SPON1: variants seen among roughly 807,000 people sequenced by gnomAD.
The protein encoded by SPON1 is spondin-1.
SPON1 carries 52 observed loss-of-function variants against 111.7 expected under a neutral mutation model. The ratio of observed to expected loss-of-function variants is 0.47; its 90% confidence interval spans 0.37 to 0.59. The LOEUF is 0.59. Ranked by LOEUF, SPON1 falls within the 20% of genes least tolerant of loss-of-function variation. The pLI, the probability that SPON1 is intolerant of heterozygous loss-of-function variation, is 0.00. For missense variants in SPON1, 957 were observed against 1,068.5 expected (o/e 0.90, Z 1.46); for synonymous variants, 410 against 395.8 (o/e 1.04, Z -0.43).
chr11:14,040,103 G>C (rs1005752274), intron 2 of SPON1, among the ~76,000 whole-genome samples: 1 of 152,148 alleles, frequency 6.6e-6, no homozygotes. Context: ...GCAGTACTTA[G>C]TGAAATTAAT....
chr11:14,131,524 A>T (rs1591383935), intron 5 of SPON1, among the ~76,000 whole-genome samples: 1 of 152,218 alleles, frequency 6.6e-6, no homozygotes, highest in East Asian at 1.9e-4. Flanking sequence ...CCAACTGGAA[A>T]GTTCCCTTGC....
chr11:14,066,299 A>C (rs1848831611), intron 3 of SPON1, among the ~76,000 whole-genome samples: 1 of 152,222 alleles, frequency 6.6e-6, no homozygotes. Context: ...CCCCAGGCTC[A>C]GGGATTAGAC....
At chr11:14,012,152 A>G (rs1381780969) in intron 2 of SPON1, among the ~76,000 whole-genome samples, 4 of 151,988 alleles carry the variant, frequency 2.6e-5, no homozygotes, top group Non-Finnish European at 4.4e-5. Flanking sequence ...TCTCCTCTTT[A>G]CCAGTTGGGA....
At chr11:14,226,746 C>A (rs1433308046) in intron 6 of SPON1, among the ~76,000 whole-genome samples, 1 of 152,168 alleles carries the variant, frequency 6.6e-6, no homozygotes, top group Admixed American at 6.5e-5. Flanking sequence ...AAATCTGGTG[C>A]CTTGGGGTAA....
intron 2 of SPON1, among the ~76,000 whole-genome samples, chr11:14,033,045 C>T (rs1333357545): frequency 6.6e-6 from 1 of 152,220 alleles, no homozygotes; most frequent in East Asian, 1.9e-4. Context: ...TCCTTAATCA[C>T]ATCTCACATC....
intron 2 of SPON1, among the ~76,000 whole-genome samples, chr11:14,008,975 G>T (rs1848384429): frequency 2.0e-5 from 3 of 152,110 alleles, no homozygotes; most frequent in Admixed American, 2.0e-4. Flanking sequence ...AGCCTGCTAT[G>T]AGTCCAGTCT....
At chr11:14,107,439 G>A (rs1849193431) in intron 5 of SPON1, among the ~76,000 whole-genome samples, 3 of 152,006 alleles carry the variant, frequency 2.0e-5, no homozygotes, top group African/African-American at 7.3e-5. Flanking sequence ...CCTTTGCTTT[G>A]CTTTTCAAGT....
chr11:14,095,172 T>A (rs1849089007), intron 5 of SPON1, among the ~76,000 whole-genome samples: 1 of 152,174 alleles, frequency 6.6e-6, no homozygotes, highest in Non-Finnish European at 1.5e-5. Flanking sequence ...TTGCACTAAG[T>A]CTCAAAATTA....
chr11:14,236,652 G>A (rs1848870780), intron 6 of SPON1, among the ~76,000 whole-genome samples: 2 of 152,314 alleles, frequency 1.3e-5, no homozygotes, highest in South Asian at 4.1e-4. Context: ...TGAGCCCTGG[G>A]GCACTTCAAG....
At chr11:14,044,559 C>G (rs1440692199) in intron 3 of SPON1, among the ~76,000 whole-genome samples, 1 of 152,190 alleles carries the variant, frequency 6.6e-6, no homozygotes, top group African/African-American at 2.4e-5. Flanking sequence ...TTGCAGTGAG[C>G]CGAGACTGTG....
At chr11:14,030,527 C>T (rs555509975) in intron 2 of SPON1, among the ~76,000 whole-genome samples, 4 of 152,150 alleles carry the variant, frequency 2.6e-5, no homozygotes, top group Middle Eastern at 3.4e-3. Context: ...GGTACACTCC[C>T]GGGAAGAGAA....
At chr11:14,022,341 G>T (rs975570043) in intron 2 of SPON1, among the ~76,000 whole-genome samples, 34 of 152,192 alleles carry the variant, frequency 2.2e-4, no homozygotes, top group African/African-American at 8.0e-4. Context: ...TGGAGGATTC[G>T]AATGTGCTTC....
chr11:14,161,406 C>T (rs1222021722), intron 6 of SPON1, among the ~76,000 whole-genome samples: 2 of 149,444 alleles, frequency 1.3e-5, no homozygotes, highest in East Asian at 1.9e-4. Flanking sequence ...GCAAACTCCA[C>T]CTCCCAGGTT....
At chr11:14,086,347 T>C (rs947186887) in intron 5 of SPON1, among the ~76,000 whole-genome samples, 2 of 152,236 alleles carry the variant, frequency 1.3e-5, no homozygotes, top group Admixed American at 1.3e-4. Context: ...TGAGAGTTTT[T>C]AGCATGAAGC....
At chr11:14,163,544 C>T (rs998000920) in intron 6 of SPON1, among the ~76,000 whole-genome samples, 1 of 151,922 alleles carries the variant, frequency 6.6e-6, no homozygotes, top group African/African-American at 2.4e-5. Flanking sequence ...CCCAGATTCT[C>T]CCCCCATACC....
intron 6 of SPON1, among the ~76,000 whole-genome samples, chr11:14,229,156 G>A (rs1190163407): frequency 6.6e-6 from 1 of 152,178 alleles, no homozygotes; most frequent in Non-Finnish European, 1.5e-5. Context: ...CAATTCACAT[G>A]TAATATTTGG....
At chr11:13,971,195 G>A (rs1375320719) in intron 1 of SPON1, among the ~76,000 whole-genome samples, 1 of 152,324 alleles carries the variant, frequency 6.6e-6, no homozygotes, top group East Asian at 1.9e-4. Context: ...GTTGGCCAGA[G>A]GCTGAGGGCA....
chr11:14,251,772 C>T (rs1849055760), intron 7 of SPON1, among the ~76,000 whole-genome samples: 1 of 152,200 alleles, frequency 6.6e-6, no homozygotes, highest in Non-Finnish European at 1.5e-5. Context: ...CAGACCAGAA[C>T]CCCGTCCTGT....
chr11:14,120,469 C>A (rs1195145281), intron 5 of SPON1, among the ~76,000 whole-genome samples: 1 of 152,136 alleles, frequency 6.6e-6, no homozygotes, highest in Non-Finnish European at 1.5e-5. Context: ...GGAGCTGGAA[C>A]AGTCACCCCC....
Sources: gnomAD v4.1 joint callset for allele counts (sites outside exome capture counted in the v4.1 genomes callset) on GRCh38, gnomAD v4.1.1 for gene constraint, MANE v1.5 for transcripts, NCBI Gene and HGNC (gene_info 2026-07-23, HGNC 2026-07-21) for gene names.